GAB3: variants seen among roughly 807,000 people sequenced by gnomAD.
GAB3 encodes GRB2 associated binding protein 3.
Under a neutral mutation model 40.4 loss-of-function variants are expected in GAB3, and 12 were observed. That is an observed-to-expected ratio of 0.30 (90% confidence interval 0.19 to 0.48). GAB3 has a LOEUF of 0.48. Among genes scored for constraint, GAB3 ranks in the 20% least tolerant of loss-of-function variants. The pLI is 0.99. For missense variants in GAB3, 381 were observed against 461.9 expected, an observed-to-expected ratio of 0.82 and a Z score of 1.61; for synonymous variants, 154 against 176.7, an observed-to-expected ratio of 0.87 and a Z score of 1.02.
intron 1 of GAB3, among the ~76,000 whole-genome samples, chrX:154,734,857 C>T (rs2071342163): frequency 8.9e-6 from 1 of 112,225 alleles, no homozygotes; most frequent in African/African-American, 3.2e-5. Flanking sequence ...TGGGGGCTAA[C>T]CTCCTATTAT....
At chrX:154,727,360 A>G (rs182176286) in intron 1 of GAB3, among the ~76,000 whole-genome samples, 260 of 112,520 alleles carry the variant, frequency 2.3e-3, no homozygotes, top group Non-Finnish European at 4.2e-3. Flanking sequence ...CTTAATTGTC[A>G]TCTCTCAGAG....
chrX:154,695,777 G>C, intron 8 of GAB3, 140 bp downstream of exon 8: 1 of 370,816 alleles, frequency 2.7e-6, no homozygotes, highest in South Asian at 6.7e-5. Flanking sequence ...GTCTAGAAAA[G>C]CTTGTGGCCT....
chrX:154,742,985 C>CATAT (rs34588574), intron 1 of GAB3, among the ~76,000 whole-genome samples: 10,493 of 92,137 alleles, frequency 0.11, 585 homozygotes, highest in South Asian at 0.21. Flanking sequence ...AGTGTGTGTA[C>CATAT]ATATATATAT....
chrX:154,750,032 G>C (rs933123187), intron 1 of GAB3, among the ~76,000 whole-genome samples: 3 of 112,737 alleles, frequency 2.7e-5, no homozygotes, highest in Admixed American at 9.3e-5. Flanking sequence ...GCGCGAGTTT[G>C]TTCCTACCAC....
chrX:154,741,541 T>C (rs1717775495), intron 1 of GAB3, among the ~76,000 whole-genome samples: 1 of 108,857 alleles, frequency 9.2e-6, no homozygotes, highest in Non-Finnish European at 1.9e-5. Context: ...CCGGGTGCAG[T>C]GGCAGGCGCC....
chrX:154,682,830 C>T (rs879980160), intron 8 of GAB3, among the ~76,000 whole-genome samples: 1 of 110,424 alleles, frequency 9.1e-6, no homozygotes, highest in South Asian at 3.9e-4. Context: ...ATACAAAAAT[C>T]TGCCAGGCAT....
chrX:154,720,864 C>T (rs1460222578), intron 1 of GAB3, among the ~76,000 whole-genome samples: 20 of 111,169 alleles, frequency 1.8e-4, no homozygotes, highest in Non-Finnish European at 3.4e-4. Flanking sequence ...TTGCTAGCCC[C>T]AGTGAATTAA....
chrX:154,708,749 C>G (rs1181460058), intron 4 of GAB3, among the ~76,000 whole-genome samples: 3 of 111,804 alleles, frequency 2.7e-5, no homozygotes, highest in Non-Finnish European at 5.6e-5. Flanking sequence ...AACCCTTGTA[C>G]ACTGTTGGTG....
intron 1 of GAB3, among the ~76,000 whole-genome samples, chrX:154,721,238 A>G (rs1055918141): frequency 6.2e-5 from 7 of 112,768 alleles, no homozygotes; most frequent in Non-Finnish European, 1.3e-4. Context: ...AAAAATGTCT[A>G]GCAGGTATCT....
chrX:154,702,040 C>T (rs2070746208), intron 4 of GAB3, among the ~76,000 whole-genome samples: 1 of 111,747 alleles, frequency 8.9e-6, no homozygotes, highest in Non-Finnish European at 1.9e-5. Context: ...CCATGAAAGA[C>T]CCAGAATAGC....
Position 154,713,187 on chromosome X carries a change from A to C in GAB3, c.596+20T>G. On this transcript the variant is annotated intron_variant, in intron 3 of 9. Coordinates refer to ENST00000424127, the MANE Select transcript of GAB3 (RefSeq NM_001081573.3). ...ATGCTAGCAGGCCCAGCTCAGACAGAGTCCTGGGCATAAGCATACCTGGTA... is the reference window on the plus strand; with the variant it reads ...ATGCTAGCAGGCCCAGCTCAGACAGCGTCCTGGGCATAAGCATACCTGGTA... 1 of 1,163,178 alleles carries C rather than the reference A, an allele frequency of 8.6e-7. No individual in the cohort carries two copies. The highest frequency in any genetic ancestry group is 1.8e-5 in the South Asian group (1 of 55,958).
At chrX:154,697,561 T>C (rs781895294) in intron 6 of GAB3, among the ~76,000 whole-genome samples, 11 of 112,256 alleles carry the variant, frequency 9.8e-5, no homozygotes, top group African/African-American at 3.6e-4. Context: ...CCGATGTGTC[T>C]GAAGTGGAAA....
At chrX:154,713,514 G>A (rs1603426182) in intron 2 of GAB3, 88 bp from the exon 3 acceptor site, 1 of 698,024 alleles carries the variant, frequency 1.4e-6, no homozygotes, top group East Asian at 3.4e-5. Flanking sequence ...AAGCCAAACA[G>A]AAGATGCAAA....
In GAB3 at chrX:154,740,311, G is replaced by A. The variant is rs185247428; in HGVS notation, c.72+10643C>T. Among the ~76,000 whole-genome samples, 1,037 of 112,149 alleles carry A rather than the reference G, an allele frequency of 9.2e-3. 7 individuals are homozygous for A. Among genetic ancestry groups the A allele is most frequent in the Non-Finnish European group, 0.01 (547 of 53,206 alleles). ...TCTCCAAAATACATTACTAAGAAAGGAGGTTACAAAATAGTGAGTATAGTG... is the reference window on the plus strand; with the variant it reads ...TCTCCAAAATACATTACTAAGAAAGAAGGTTACAAAATAGTGAGTATAGTG... On this transcript the variant is annotated intron_variant, in intron 1 of 9. Transcript: ENST00000424127.
chrX:154,724,379 T>A (rs2071181495), intron 1 of GAB3, among the ~76,000 whole-genome samples: 1 of 107,780 alleles, frequency 9.3e-6, no homozygotes, highest in Non-Finnish European at 1.9e-5. Context: ...AATAAATAAA[T>A]AAATAAAAAT....
chrX:154,690,229 A>G (rs1350420927), intron 8 of GAB3, among the ~76,000 whole-genome samples: 66 of 110,679 alleles, frequency 6.0e-4, no homozygotes, highest in Non-Finnish European at 9.8e-4. Context: ...GAAAGCTGAA[A>G]CTGGATCCCT....
chrX:154,737,325 G>A (rs1484402856), intron 1 of GAB3, among the ~76,000 whole-genome samples: 3 of 111,669 alleles, frequency 2.7e-5, no homozygotes, highest in East Asian at 2.8e-4. Flanking sequence ...AAGGTATTTA[G>A]GGTTATCCAT....
intron 8 of GAB3, among the ~76,000 whole-genome samples, chrX:154,687,893 C>T (rs1260143845): frequency 8.9e-6 from 1 of 111,943 alleles, no homozygotes; most frequent in African/African-American, 3.2e-5. Flanking sequence ...TGATTTATTA[C>T]AGAGGTGCAA....
At chrX:154,735,247 A>G (rs2071348478) in intron 1 of GAB3, among the ~76,000 whole-genome samples, 1 of 112,308 alleles carries the variant, frequency 8.9e-6, no homozygotes, top group Non-Finnish European at 1.9e-5. Flanking sequence ...AAATTATGGT[A>G]TGAATAAGCA....
Sources: gnomAD v4.1 joint callset for allele counts (sites outside exome capture counted in the v4.1 genomes callset) on GRCh38, gnomAD v4.1.1 for gene constraint, MANE v1.5 for transcripts, NCBI Gene and HGNC (gene_info 2026-07-23, HGNC 2026-07-21) for gene names.